NUP155: variants seen among roughly 807,000 people sequenced by gnomAD.
The protein encoded by NUP155 is nucleoporin 155.
NUP155 carries 71 observed loss-of-function variants against 180.4 expected under a neutral mutation model. That is an observed-to-expected ratio of 0.39 (90% CI 0.33 to 0.48). The LOEUF (loss-of-function observed/expected upper bound fraction) is 0.48. Ranked by LOEUF, NUP155 falls within the 20% of genes least tolerant of loss-of-function variation. NUP155 has a pLI of 0.91. For synonymous variants in NUP155, 582 were observed against 559.5 expected (o/e 1.04, Z -0.57); for missense variants, 1,553 against 1,648.9 (o/e 0.94, Z 1.01).
chr5:37,359,432 A>G (rs2111676846), intron 3 of NUP155, among the ~76,000 whole-genome samples: 1 of 152,196 alleles, frequency 6.6e-6, no homozygotes, highest in South Asian at 2.1e-4. Flanking sequence ...CAAGGATGGA[A>G]TCACAGGAAG....
Position 37,293,886 on chromosome 5 carries a change from C to T in NUP155, c.3930+443G>A, listed in dbSNP as rs868856450. ...CGGTGGCGGGCGCCTGTAGTCCCAG[C>T]TACTGGGGAGGCTGAGGCAGGAGAA... On this transcript the variant is annotated intron_variant, in intron 33 of 34. Coordinates refer to ENST00000231498, the MANE Select transcript of NUP155 (RefSeq NM_153485.3). 9.0e-4 allele frequency among the ~76,000 whole-genome samples: 99 copies of T among 110,262 alleles called. 9 individuals carry two copies. Among genetic ancestry groups the T allele is most frequent in the South Asian group, 6.4e-3 (25 of 3,882 alleles). 72.3% of individuals were successfully genotyped at this position (110,262 alleles called of 152,430 possible).
intron 4 of NUP155, among the ~76,000 whole-genome samples, chr5:37,354,150 T>C (rs1746652972): frequency 6.6e-6 from 1 of 152,180 alleles, no homozygotes; most frequent in South Asian, 2.1e-4. Flanking sequence ...TACATTTGCT[T>C]TGCTTTTCTT....
In NUP155 at chr5:37,349,016, A is replaced by C. The variant is rs191537544; in HGVS notation, c.903+156T>G. On this transcript the variant is annotated intron_variant, in intron 8 of 34. Coordinates refer to ENST00000231498, the MANE Select transcript of NUP155 (RefSeq NM_153485.3). ...GGTGATCCGCCCACCTTGGCCTCCCAAAGTGCTGGGATTACAGGCTTGAGC... is the reference window on the plus strand; with the variant it reads ...GGTGATCCGCCCACCTTGGCCTCCCCAAGTGCTGGGATTACAGGCTTGAGC... 4.9e-4 allele frequency among the ~76,000 whole-genome samples: 74 copies of C among 151,738 alleles called. No homozygotes were observed. The East Asian group carries it at 0.013, about 26-fold the overall frequency.
At chr5:37,323,004 C>T (rs564056160) in intron 20 of NUP155, among the ~76,000 whole-genome samples, 5 of 150,736 alleles carry the variant, frequency 3.3e-5, no homozygotes, top group South Asian at 2.1e-4. Flanking sequence ...CACTCTTGGT[C>T]GGGCATGGTG....
intron 32 of NUP155, among the ~76,000 whole-genome samples, chr5:37,296,510 C>T (rs1449788077): frequency 6.6e-6 from 1 of 151,918 alleles, no homozygotes; most frequent in Non-Finnish European, 1.5e-5. Context: ...AGAGTCATCA[C>T]CACTCCCTAA....
At chr5:37,359,209 T>TAA (rs908441904) in intron 3 of NUP155, among the ~76,000 whole-genome samples, 3 of 150,298 alleles carry the variant, frequency 2.0e-5, no homozygotes, top group African/African-American at 7.3e-5. Context: ...ATTATATATA[T>TAA]AATGAAAAAA....
At chr5:37,293,810 T>G (rs1174046842) in intron 33 of NUP155, among the ~76,000 whole-genome samples, 1 of 114,962 alleles carries the variant, frequency 8.7e-6, no homozygotes, top group Non-Finnish European at 1.6e-5. Context: ...CCATCCTGGC[T>G]AACAAGGTGA....
chr5:37,317,216 C>T lies in NUP155; in HGVS notation c.2305+772G>A, dbSNP rs371213639. On this transcript the variant is annotated intron_variant, in intron 21 of 34. Coordinates refer to ENST00000231498, the MANE Select transcript of NUP155 (RefSeq NM_153485.3). ...AATAAAGTAAAAATGGGGCTGGGCACGGTGGCTCACATCTGTAATCCCAGC... is the reference window on the plus strand; with the variant it reads ...AATAAAGTAAAAATGGGGCTGGGCATGGTGGCTCACATCTGTAATCCCAGC... 2.3e-4 allele frequency among the ~76,000 whole-genome samples: 34 copies of T among 151,082 alleles called. No homozygotes were observed. In the South Asian group the frequency reaches 6.9e-3, roughly 31 times the overall value.
rs756599624 is a variant in NUP155 at position 37,298,985 on chromosome 5, CA to C, written c.3683-8del. On this transcript the variant is annotated splice_polypyrimidine_tract_variant and splice_region_variant and intron_variant, in intron 31 of 34. Transcript: ENST00000231498. ...GTCACACTGTCACTCAATTCTGTAA[CA>C]AAAAGACATGTCATTTGAAACCCAA... The C allele has an allele frequency of 6.6e-7, 1 of 1,511,172 alleles. No homozygotes were observed. The highest frequency in any genetic ancestry group is 9.2e-7 in the Non-Finnish European group (1 of 1,086,442). 93.6% of individuals were successfully genotyped at this position (1,511,172 alleles called of 1,614,324 possible).
At chr5:37,348,622 T>C in intron 8 of NUP155, 26 bp from the exon 9 acceptor site, 4 of 1,277,946 alleles carry the variant, frequency 3.1e-6, no homozygotes, top group Non-Finnish European at 3.4e-6. Flanking sequence ...CATTCTCACT[T>C]AAACATGATT....
chr5:37,345,711 T>G (rs546644584), intron 9 of NUP155, among the ~76,000 whole-genome samples: 147 of 151,964 alleles, frequency 9.7e-4, no homozygotes, highest in Middle Eastern at 3.4e-3. Context: ...GTAACCATCC[T>G]GGCCAGCATG....
At chr5:37,329,364 T>G in intron 15 of NUP155, 86 bp from the exon 16 acceptor site, 1 of 1,038,600 alleles carries the variant, frequency 9.6e-7, no homozygotes, top group Non-Finnish European at 1.5e-6. Flanking sequence ...CCTGTTTAGC[T>G]TCCAAGTAAA....
At chr5:37,334,774 T>A (rs948784909) in intron 12 of NUP155, among the ~76,000 whole-genome samples, 17 of 152,232 alleles carry the variant, frequency 1.1e-4, no homozygotes, top group African/African-American at 4.1e-4. Context: ...AAATACTCTT[T>A]AATAAAATTA....
At chr5:37,326,800 T>G (rs942963575) in intron 18 of NUP155, among the ~76,000 whole-genome samples, 3 of 152,228 alleles carry the variant, frequency 2.0e-5, no homozygotes, top group Admixed American at 6.5e-5. Flanking sequence ...TGTAGACACA[T>G]GTCACTGAGT....
Position 37,291,814 on chromosome 5 carries a change from T to G in NUP155, c.*86A>C. On this transcript the variant is annotated 3_prime_UTR_variant, in exon 35 of 35. Transcript: ENST00000231498. Reference sequence around the variant, plus strand: ...TATTTCTATTAAGATTGTTCTTACATTCTTAGATTTAGAACACCTGATATC... The same window carrying G: ...TATTTCTATTAAGATTGTTCTTACAGTCTTAGATTTAGAACACCTGATATC... The G allele has an allele frequency of 8.3e-7, 1 of 1,210,406 alleles. No individual in the cohort carries two copies. The highest frequency in any genetic ancestry group is 1.2e-6 in the Non-Finnish European group (1 of 818,940). The allele number at this position is 1,210,406 out of a possible 1,614,324, so 75.0% of individuals were successfully genotyped here.
At chr5:37,322,372 T>G (rs140918038) in intron 20 of NUP155, among the ~76,000 whole-genome samples, 117 of 152,284 alleles carry the variant, frequency 7.7e-4, no homozygotes, top group African/African-American at 2.6e-3. Flanking sequence ...ATGTGATTAT[T>G]ATTTTTCAAC....
At chr5:37,302,936 T>C in intron 28 of NUP155, 28 bp from the exon 29 acceptor site, 4 of 1,612,550 alleles carry the variant, frequency 2.5e-6, no homozygotes, top group Non-Finnish European at 3.4e-6. Flanking sequence ...TATTTTTAGT[T>C]ACACAATTTC....
chr5:37,348,572 G>A lies in NUP155; in HGVS notation c.928C>T (p.Gln310Ter). The change falls in exon 9 of 35, where the codon CAA becomes TAA. Residue 310 changes from glutamine to a stop codon, truncating the protein, a stop_gained. Transcript: ENST00000231498. LOFTEE classifies it high-confidence loss of function. ...ACAGAGGCAACTCTGCTCATTCCTT[G>A]TCCATCTTGTCCCAAATCATACACC... The part of the protein sequence containing the change: ...IQVYDLGQDG[Q>*]GMSRVASVSQ... The A allele has an allele frequency of 6.2e-7, 1 of 1,609,940 alleles. No homozygotes were observed. The highest frequency in any genetic ancestry group is 8.5e-7 in the Non-Finnish European group (1 of 1,176,236).
chr5:37,364,511 T>G (rs1747424693), intron 1 of NUP155, 127 bp from the exon 2 acceptor site: 4 of 802,192 alleles, frequency 5.0e-6, no homozygotes, highest in Middle Eastern at 3.2e-4. Flanking sequence ...ATTCTAGTTT[T>G]GACCCAACAC....
Sources: gnomAD v4.1 joint callset for allele counts (sites outside exome capture counted in the v4.1 genomes callset) on GRCh38, gnomAD v4.1.1 for gene constraint, MANE v1.5 for transcripts, NCBI Gene and HGNC (gene_info 2026-07-23, HGNC 2026-07-21) for gene names.